Variants in UNC5D observed in about 807,000 individuals in gnomAD.
The protein encoded by UNC5D is netrin receptor UNC5D.
UNC5D carries 39 observed loss-of-function variants against 105.4 expected under a neutral mutation model. The ratio of observed to expected loss-of-function variants is 0.37; its 90% CI spans 0.29 to 0.48. UNC5D has a LOEUF of 0.48. Ranked by LOEUF, UNC5D falls within the 20% of genes least tolerant of loss-of-function variation. The pLI is 0.98. For missense variants in UNC5D, 991 were observed against 1,202.4 expected (o/e 0.82, Z 2.60); for synonymous variants, 452 against 450.4 (o/e 1.00, Z -0.04).
chr8:35,248,723 A>G (rs1332720541), intron 1 of UNC5D, among the ~76,000 whole-genome samples: 7 of 99,394 alleles, frequency 7.0e-5, no homozygotes, highest in Non-Finnish European at 1.0e-4. Flanking sequence ...TATAAAATAT[A>G]TAAAAATATA....
At chr8:35,356,064 G>A (rs1585655670) in intron 1 of UNC5D, among the ~76,000 whole-genome samples, 2 of 152,134 alleles carry the variant, frequency 1.3e-5, no homozygotes, top group African/African-American at 4.8e-5. Context: ...GTTTATAGGA[G>A]TGTGCTACCA....
intron 1 of UNC5D, among the ~76,000 whole-genome samples, chr8:35,441,842 A>T (rs1807423652): frequency 6.6e-6 from 1 of 151,638 alleles, no homozygotes; most frequent in Admixed American, 6.6e-5. Context: ...TCTGACCATT[A>T]TTCATCTAAT....
At chr8:35,406,961 T>C (rs1322391177) in intron 1 of UNC5D, among the ~76,000 whole-genome samples, 1 of 152,244 alleles carries the variant, frequency 6.6e-6, no homozygotes, top group African/African-American at 2.4e-5. Flanking sequence ...TATGTATACA[T>C]ATATGAACTA....
At chr8:35,297,652 G>C (rs1398521900) in intron 1 of UNC5D, among the ~76,000 whole-genome samples, 1 of 152,098 alleles carries the variant, frequency 6.6e-6, no homozygotes, top group African/African-American at 2.4e-5. Flanking sequence ...TCCTAACTAT[G>C]TTAGAAGACT....
At chr8:35,399,552 C>G (rs1585752067) in intron 1 of UNC5D, among the ~76,000 whole-genome samples, 1 of 152,046 alleles carries the variant, frequency 6.6e-6, no homozygotes, top group African/African-American at 2.4e-5. Flanking sequence ...CATTTATAAG[C>G]CAGTTTCTAC....
At chr8:35,295,379 T>C (rs1027691576) in intron 1 of UNC5D, among the ~76,000 whole-genome samples, 1 of 152,224 alleles carries the variant, frequency 6.6e-6, no homozygotes, top group Non-Finnish European at 1.5e-5. Flanking sequence ...CATCTGCAAG[T>C]TTTTTTCAAA....
intron 4 of UNC5D, among the ~76,000 whole-genome samples, chr8:35,610,655 G>T (rs1243656833): frequency 6.6e-6 from 1 of 152,066 alleles, no homozygotes; most frequent in Admixed American, 6.6e-5. Context: ...CATACAAAAA[G>T]AGAAGTGAGA....
intron 1 of UNC5D, among the ~76,000 whole-genome samples, chr8:35,295,460 C>T (rs1807413008): frequency 2.0e-5 from 3 of 152,138 alleles, no homozygotes; most frequent in Admixed American, 2.0e-4. Flanking sequence ...TGGACTCACA[C>T]AGCTCAGGCC....
chr8:35,272,400 G>T (rs1332851277), intron 1 of UNC5D, among the ~76,000 whole-genome samples: 3 of 152,148 alleles, frequency 2.0e-5, no homozygotes, highest in African/African-American at 7.2e-5. Flanking sequence ...GGGAAGAGAA[G>T]ACTCAGGGCT....
chr8:35,629,874 A>C (rs1170205433), intron 4 of UNC5D, among the ~76,000 whole-genome samples: 2 of 152,160 alleles, frequency 1.3e-5, no homozygotes, highest in Non-Finnish European at 2.9e-5. Flanking sequence ...GATCACTATA[A>C]ATGAGTTAAT....
chr8:35,389,524 C>T (rs549040733), intron 1 of UNC5D, among the ~76,000 whole-genome samples: 1 of 152,140 alleles, frequency 6.6e-6, no homozygotes, highest in East Asian at 1.9e-4. Context: ...CCTGATGCCC[C>T]CTGTTGAACC....
chr8:35,556,150 A>G (rs1249670873), intron 2 of UNC5D, among the ~76,000 whole-genome samples: 2 of 152,186 alleles, frequency 1.3e-5, no homozygotes, highest in Non-Finnish European at 2.9e-5. Context: ...GCTAGTGTAC[A>G]GCAATTGCTC....
At chr8:35,412,835 C>T (rs2128959431) in intron 1 of UNC5D, among the ~76,000 whole-genome samples, 1 of 152,162 alleles carries the variant, frequency 6.6e-6, no homozygotes, top group South Asian at 2.1e-4. Context: ...ATGTTCGTTC[C>T]AACTCCCAGG....
At chr8:35,742,880 C>T (rs1829829444) in intron 11 of UNC5D, among the ~76,000 whole-genome samples, 1 of 152,192 alleles carries the variant, frequency 6.6e-6, no homozygotes. Flanking sequence ...TCTGGACCAT[C>T]ACCCTGTCAC....
At chr8:35,297,922 G>C (rs954229228) in intron 1 of UNC5D, among the ~76,000 whole-genome samples, 3 of 152,054 alleles carry the variant, frequency 2.0e-5, no homozygotes, top group Admixed American at 6.6e-5. Flanking sequence ...AGGTTTCTTT[G>C]GTGTCTAGAA....
chr8:35,736,248 G>A (rs943746310), intron 11 of UNC5D, among the ~76,000 whole-genome samples: 1 of 152,162 alleles, frequency 6.6e-6, no homozygotes, highest in Non-Finnish European at 1.5e-5. Flanking sequence ...GTAAATGCCT[G>A]TAGTCACAGC....
intron 13 of UNC5D, among the ~76,000 whole-genome samples, chr8:35,751,987 G>A (rs749598561): frequency 1.1e-4 from 17 of 152,174 alleles, no homozygotes; most frequent in Non-Finnish European, 2.9e-5. Context: ...TGTGCAGAGG[G>A]CAGTGAGAAA....
rs1419051682 is a variant in UNC5D, at chr8:35,560,939, C to T, written c.323-7159C>T. On this transcript the variant is annotated intron_variant, in intron 2 of 16. Coordinates refer to ENST00000404895, the MANE Select transcript of UNC5D (RefSeq NM_080872.4). Reference sequence around the variant, plus strand: ...AATGAGGGGTTACAAAACCTACTGACAAGAGTGGGGTAAGACAAGATATAA... The same window carrying T: ...AATGAGGGGTTACAAAACCTACTGATAAGAGTGGGGTAAGACAAGATATAA... Among the ~76,000 whole-genome samples, 3 of 152,290 alleles carry T rather than the reference C, an allele frequency of 2.0e-5. No homozygotes were observed. In the South Asian group the frequency reaches 6.2e-4, roughly 32 times the overall value.
intron 1 of UNC5D, among the ~76,000 whole-genome samples, chr8:35,248,332 T>TATATAAATATATGTTATATAAGAAATAG (rs1803343631): frequency 9.1e-6 from 1 of 109,900 alleles, no homozygotes; most frequent in African/African-American, 3.8e-5. Flanking sequence ...TTATATAAAA[T>TATATAAATATATGTTATATAAGAAATAG]ATATAATATA....
Sources: gnomAD v4.1 joint callset for allele counts (sites outside exome capture counted in the v4.1 genomes callset) on GRCh38, gnomAD v4.1.1 for gene constraint, MANE v1.5 for transcripts, NCBI Gene and HGNC (gene_info 2026-07-23, HGNC 2026-07-21) for gene names.